The following TENM2 variants were observed in gnomAD, a reference collection of about 807,000 sequenced individuals.
The protein encoded by TENM2 is teneurin-2.
A neutral mutation model predicts 245.2 loss-of-function variants in TENM2; 52 were observed. That is an observed-to-expected ratio of 0.21 (90% CI 0.17 to 0.27). TENM2 has a LOEUF of 0.27. TENM2 is among the 10% of genes least tolerant of loss of function. The pLI is 1.00. For missense variants in TENM2, 3,046 were observed against 3,666.8 expected, an observed-to-expected ratio of 0.83 and a Z score of 4.37; for synonymous variants, 1,363 against 1,438.9, an observed-to-expected ratio of 0.95 and a Z score of 1.19.
intron 2 of TENM2, among the ~76,000 whole-genome samples, chr5:167,398,394 C>CTTTCTTTCT (rs1420013922): frequency 2.9e-5 from 1 of 34,954 alleles, no homozygotes; most frequent in African/African-American, 1.6e-4. Context: ...TTCTTTCTTT[C>CTTTCTTTCT]TTTCTTTCTT....
chr5:167,292,567 C>A (rs1222426689), intron 1 of TENM2, among the ~76,000 whole-genome samples: 1 of 152,166 alleles, frequency 6.6e-6, no homozygotes, highest in African/African-American at 2.4e-5. Context: ...TTTTCCATAA[C>A]ATGGATAGTT....
At chr5:167,415,475 A>G (rs1763117946) in intron 2 of TENM2, among the ~76,000 whole-genome samples, 1 of 152,138 alleles carries the variant, frequency 6.6e-6, no homozygotes, top group South Asian at 2.1e-4. Context: ...TATCATTGAC[A>G]TTTGCAGAGA....
intron 2 of TENM2, among the ~76,000 whole-genome samples, chr5:167,656,358 A>C (rs867815763): frequency 6.6e-5 from 10 of 152,296 alleles, no homozygotes; most frequent in Middle Eastern, 6.8e-3. Flanking sequence ...AGATGAAAGC[A>C]TGAGCACGCA....
chr5:167,348,168 C>T (rs1245219309), intron 1 of TENM2, among the ~76,000 whole-genome samples: 2 of 152,142 alleles, frequency 1.3e-5, no homozygotes, highest in Non-Finnish European at 2.9e-5. Flanking sequence ...TCTTTGAAAG[C>T]CCCAGCTAAT....
At chr5:167,146,223 C>G in the TENM2 span, among the ~76,000 whole-genome samples, 1 of 152,104 alleles carries the variant, frequency 6.6e-6, no homozygotes, top group Admixed American at 6.6e-5. Flanking sequence ...GCCACTATTA[C>G]AATAAAAACC....
chr5:167,283,121 G>A (rs951316627), upstream of TENM2, among the ~76,000 whole-genome samples: 1 of 151,720 alleles, frequency 6.6e-6, no homozygotes, highest in African/African-American at 2.4e-5. Context: ...TCAGCTCACT[G>A]CAACCTCTGC....
chr5:168,189,738 G>A (rs11134493), intron 13 of TENM2, among the ~76,000 whole-genome samples: 84,307 of 151,920 alleles, frequency 0.55, 23,910 homozygotes, highest in Admixed American at 0.69. Context: ...AGATTTAAGG[G>A]ATTCCATGCA....
the TENM2 span, among the ~76,000 whole-genome samples, chr5:167,099,781 C>T: frequency 2.0e-5 from 3 of 152,358 alleles, no homozygotes; most frequent in Non-Finnish European, 4.4e-5. Flanking sequence ...CTGTAGCTCT[C>T]TCTCAAAATG....
At chr5:167,548,961 T>G (rs193232718) in intron 2 of TENM2, among the ~76,000 whole-genome samples, 383 of 152,346 alleles carry the variant, frequency 2.5e-3, no homozygotes, top group Admixed American at 5.4e-3. Context: ...AGAGCAGCCT[T>G]TGAACTACAA....
chr5:167,898,328 T>C (rs1346704012), intron 3 of TENM2, among the ~76,000 whole-genome samples: 1 of 152,072 alleles, frequency 6.6e-6, no homozygotes, highest in Non-Finnish European at 1.5e-5. Context: ...CATAAAGCTG[T>C]GGTTTAACCA....
intron 1 of TENM2, among the ~76,000 whole-genome samples, chr5:167,298,478 C>G (rs1755099690): frequency 6.6e-6 from 1 of 152,170 alleles, no homozygotes; most frequent in Non-Finnish European, 1.5e-5. Flanking sequence ...TGGCGGGCGC[C>G]TGAAGTCCCA....
intron 10 of TENM2, among the ~76,000 whole-genome samples, chr5:168,121,635 A>G (rs1468007065): frequency 6.6e-6 from 1 of 152,152 alleles, no homozygotes; most frequent in Non-Finnish European, 1.5e-5. Context: ...AGAGAGAGCT[A>G]ATTTATCTGG....
At chr5:167,690,923 ATGTGTGTGTG>A (rs375456466) in intron 2 of TENM2, among the ~76,000 whole-genome samples, 123 of 78,784 alleles carry the variant, frequency 1.6e-3, no homozygotes, top group African/African-American at 5.4e-3. Flanking sequence ...ATATGCGAGT[ATGTGTGTGTG>A]TGTGTGTGTG....
intron 1 of TENM2, among the ~76,000 whole-genome samples, chr5:167,359,767 G>A (rs891994393): frequency 7.9e-5 from 12 of 152,128 alleles, no homozygotes; most frequent in Middle Eastern, 3.4e-3. Context: ...AAGAGGTCTA[G>A]TTTCAATCTT....
At chr5:167,469,487 AGTAAATTATG>A (rs1343620191) in intron 2 of TENM2, among the ~76,000 whole-genome samples, 2 of 152,180 alleles carry the variant, frequency 1.3e-5, no homozygotes, top group African/African-American at 2.4e-5. Context: ...TGTCTGCTAT[AGTAAATTATG>A]GCTTTTCCGA....
intron 3 of TENM2, among the ~76,000 whole-genome samples, chr5:167,935,538 C>A (rs907245563): frequency 3.3e-5 from 5 of 152,186 alleles, no homozygotes; most frequent in African/African-American, 1.2e-4. Flanking sequence ...GGACTTGGAG[C>A]TCAGTCCCTT....
chr5:167,095,629 A>G, the TENM2 span, among the ~76,000 whole-genome samples: 35 of 152,180 alleles, frequency 2.3e-4, no homozygotes, highest in Non-Finnish European at 4.0e-4. Context: ...TCACATTAAC[A>G]TAAAAAATTA....
chr5:167,516,493 G>A (rs1770386652), intron 2 of TENM2, among the ~76,000 whole-genome samples: 1 of 152,056 alleles, frequency 6.6e-6, no homozygotes, highest in African/African-American at 2.4e-5. Context: ...TTTTGCTTGT[G>A]CTCTTGACTA....
At chr5:167,441,710 C>G (rs1363056201) in intron 2 of TENM2, among the ~76,000 whole-genome samples, 2 of 152,200 alleles carry the variant, frequency 1.3e-5, no homozygotes, top group Non-Finnish European at 1.5e-5. Context: ...TTACCTCCCG[C>G]TTTCATACGT....
Sources: gnomAD v4.1 joint callset for allele counts (sites outside exome capture counted in the v4.1 genomes callset) on GRCh38, gnomAD v4.1.1 for gene constraint, MANE v1.5 for transcripts, NCBI Gene and HGNC (gene_info 2026-07-23, HGNC 2026-07-21) for gene names.